The following ANKH variants were observed in gnomAD, a reference collection of about 807,000 sequenced individuals.
ANKH encodes mineralization regulator ANKH.
A neutral mutation model predicts 49.0 loss-of-function variants in ANKH; 15 were observed. That is an observed-to-expected ratio of 0.31 (90% CI 0.20 to 0.47). The LOEUF is 0.47. Ranked by LOEUF, ANKH falls within the 20% of genes least tolerant of loss-of-function variation. The probability of loss-of-function intolerance (pLI) is 1.00; values close to 1 mark genes in which losing one functional copy is unlikely to be tolerated. For missense variants in ANKH, 429 were observed against 652.0 expected (o/e 0.66, Z 3.72); for synonymous variants, 273 against 260.0 (o/e 1.05, Z -0.48).
At chr5:14,835,492 A>G (rs1411663154) in intron 1 of ANKH, among the ~76,000 whole-genome samples, 3 of 152,120 alleles carry the variant, frequency 2.0e-5, no homozygotes, top group Non-Finnish European at 4.4e-5. Flanking sequence ...GAAAAGCCAC[A>G]TGAATCCTAC....
chr5:14,724,509 G>C, intron 8 of ANKH: 1 of 977,216 alleles, frequency 1.0e-6, no homozygotes, highest in Non-Finnish European at 1.2e-6. Flanking sequence ...GATCAGTGCA[G>C]TGATGAAGGA....
chr5:14,826,296 G>A (rs1302172408), intron 1 of ANKH, among the ~76,000 whole-genome samples: 1 of 152,192 alleles, frequency 6.6e-6, no homozygotes, highest in Non-Finnish European at 1.5e-5. Context: ...GTCTCAAGCT[G>A]TATATCTGGA....
At chr5:14,833,776 C>A (rs1425492806) in intron 1 of ANKH, among the ~76,000 whole-genome samples, 2 of 152,172 alleles carry the variant, frequency 1.3e-5, no homozygotes, top group African/African-American at 4.8e-5. Flanking sequence ...GTACCTCATG[C>A]ATAGTTACAT....
At chr5:14,785,224 G>A (rs1739936414) in intron 1 of ANKH, among the ~76,000 whole-genome samples, 1 of 152,192 alleles carries the variant, frequency 6.6e-6, no homozygotes, top group Admixed American at 6.5e-5. Flanking sequence ...CCTACCAGGT[G>A]ATATGGTTTG....
chr5:14,783,039 C>T (rs1301095001), intron 1 of ANKH, among the ~76,000 whole-genome samples: 3 of 152,092 alleles, frequency 2.0e-5, no homozygotes, highest in Non-Finnish European at 4.4e-5. Context: ...ATGAGGGATC[C>T]GTTAGAACTC....
chr5:14,711,767 C>T (rs985104486), intron 11 of ANKH, among the ~76,000 whole-genome samples: 6 of 152,254 alleles, frequency 3.9e-5, no homozygotes, highest in Non-Finnish European at 8.8e-5. Flanking sequence ...TTCTCTCCCA[C>T]TTACTGCCTG....
chr5:14,857,323 T>A (rs1294872910), intron 1 of ANKH, among the ~76,000 whole-genome samples: 1 of 152,146 alleles, frequency 6.6e-6, no homozygotes, highest in Non-Finnish European at 1.5e-5. Context: ...GTATTTATTT[T>A]AAAAAATGAA....
chr5:14,742,740 A>T (rs1406174645), intron 7 of ANKH, among the ~76,000 whole-genome samples: 3 of 152,164 alleles, frequency 2.0e-5, no homozygotes, highest in South Asian at 4.1e-4. Context: ...TCTGCGTAGA[A>T]AAGATGCCCC....
intron 8 of ANKH, among the ~76,000 whole-genome samples, chr5:14,721,929 C>CCAA (rs564649239): frequency 0.023 from 1,387 of 59,698 alleles, 40 homozygotes; most frequent in African/African-American, 0.032. Context: ...GACTCCGTCT[C>CCAA]AAAAAAAAAA....
chr5:14,834,654 A>G (rs1741603792), intron 1 of ANKH, among the ~76,000 whole-genome samples: 1 of 151,980 alleles, frequency 6.6e-6, no homozygotes, highest in Non-Finnish European at 1.5e-5. Flanking sequence ...GGTGGTACAC[A>G]CCTGTAATCC....
intron 8 of ANKH, among the ~76,000 whole-genome samples, chr5:14,718,165 GCC>G (rs2126419113): frequency 6.6e-6 from 1 of 152,192 alleles, no homozygotes; most frequent in African/African-American, 2.4e-5. Context: ...CATCAGTGAG[GCC>G]CTCGCAGGTG....
intron 8 of ANKH, among the ~76,000 whole-genome samples, chr5:14,719,941 T>C (rs1737608704): frequency 6.6e-6 from 1 of 152,214 alleles, no homozygotes; most frequent in Non-Finnish European, 1.5e-5. Flanking sequence ...ATTTATCTCC[T>C]TTTCTTAAAA....
chr5:14,801,424 G>A (rs899362381), intron 1 of ANKH, among the ~76,000 whole-genome samples: 1 of 152,108 alleles, frequency 6.6e-6, no homozygotes, highest in Admixed American at 6.5e-5. Flanking sequence ...TATACTCTAA[G>A]GAACACTATT....
intron 1 of ANKH, among the ~76,000 whole-genome samples, chr5:14,793,009 T>A (rs13160980): frequency 3.1e-3 from 131 of 42,482 alleles, no homozygotes; most frequent in East Asian, 6.8e-3. Flanking sequence ...TATATATAAA[T>A]ATATATATAT....
In ANKH at chr5:14,705,056, T is replaced by A. The variant is rs893786452; in HGVS notation, c.*6141A>T. 1 of 152,200 alleles carries A rather than the reference T, an allele frequency of 6.6e-6. No individual in the cohort carries two copies. Among genetic ancestry groups the A allele is most frequent in the Non-Finnish European group, 1.5e-5 (1 of 68,036 alleles). The allele number at this position is 152,200 out of a possible 1,614,324, so 9.4% of individuals were successfully genotyped here. Reference sequence around the variant, plus strand: ...TATTTGTATTTTAGAGACGGGGTTTTGCTCTGTTGCTCAGGCTGGATTCCA... The same window carrying A: ...TATTTGTATTTTAGAGACGGGGTTTAGCTCTGTTGCTCAGGCTGGATTCCA... On this transcript the variant is annotated 3_prime_UTR_variant, in exon 12 of 12. Coordinates refer to ENST00000284268, the MANE Select transcript of ANKH (RefSeq NM_054027.6).
chr5:14,713,440 T>G lies in ANKH; in HGVS notation c.1265+104A>C. On this transcript the variant is annotated intron_variant, in intron 10 of 11. Coordinates refer to ENST00000284268, the MANE Select transcript of ANKH (RefSeq NM_054027.6). The surrounding 1 kb of genome is among the most constrained non-coding windows in gnomAD (Gnocchi z 4.4). ...AAACATCATTCTGAATTTCCGATTC[T>G]AGACGTGCCTGGGGATTTCCCCTGA... is the stretch of plus-strand genomic sequence containing the variant. The G allele has an allele frequency of 6.7e-7, 1 of 1,489,484 alleles. No individual in the cohort carries two copies. 92.3% of individuals were successfully genotyped at this position (1,489,484 alleles called of 1,614,324 possible).
intron 4 of ANKH, among the ~76,000 whole-genome samples, chr5:14,752,227 T>C (rs1308728641): frequency 6.6e-6 from 1 of 152,150 alleles, no homozygotes; most frequent in Non-Finnish European, 1.5e-5. Flanking sequence ...GGAGGTTCAC[T>C]TGAGCTCAGG....
In ANKH at chr5:14,737,825, G is replaced by A. The variant is rs1420860770; in HGVS notation, c.1011+4002C>T. Among the ~76,000 whole-genome samples, 1 of 152,170 alleles carries A rather than the reference G, an allele frequency of 6.6e-6. No individual in the cohort carries two copies. The highest frequency in any genetic ancestry group is 1.9e-4 in the East Asian group (1 of 5,186). On this transcript the variant is annotated intron_variant, in intron 8 of 11. Transcript: ENST00000284268. The surrounding 1 kb of genome is among the most constrained non-coding windows in gnomAD (Gnocchi z 5.0). ...GTCTGCTCCCTCGTTGCTATCAAGG[G>A]GATTCCGTTTCATCTGACAGTTCTA...
intron 8 of ANKH, among the ~76,000 whole-genome samples, chr5:14,722,817 G>A (rs1035378812): frequency 2.0e-5 from 3 of 151,946 alleles, no homozygotes; most frequent in Non-Finnish European, 2.9e-5. Flanking sequence ...AGAGCACAGT[G>A]GGGAGAAAGG....
Sources: gnomAD v4.1 joint callset for allele counts (sites outside exome capture counted in the v4.1 genomes callset) on GRCh38, gnomAD v4.1.1 for gene constraint, Gnocchi (gnomAD v3.1) non-coding constraint, MANE v1.5 for transcripts, NCBI Gene and HGNC (gene_info 2026-07-23, HGNC 2026-07-21) for gene names.